Variants in CDC42BPA observed in about 807,000 individuals in gnomAD.
CDC42BPA encodes CDC42 binding protein kinase alpha, also known as serine/threonine-protein kinase MRCK alpha.
In CDC42BPA, 80 loss-of-function variants were observed where a neutral mutation model predicts 223.5. That is an observed-to-expected ratio of 0.36 (90% confidence interval 0.30 to 0.43). CDC42BPA has a LOEUF of 0.43. Ranked by LOEUF, CDC42BPA falls within the 20% of genes least tolerant of loss-of-function variation. The probability of loss-of-function intolerance (pLI) is 1.00; values close to 1 mark genes in which losing one functional copy is unlikely to be tolerated. For synonymous variants in CDC42BPA, 694 were observed against 718.6 expected, an observed-to-expected ratio of 0.97 and a Z score of 0.55; for missense variants, 1,743 against 2,099.9, an observed-to-expected ratio of 0.83 and a Z score of 3.32.
At chr1:227,199,831 C>A (rs891744437) in intron 3 of CDC42BPA, among the ~76,000 whole-genome samples, 179 bp from the exon 4 acceptor site, 1 of 151,964 alleles carries the variant, frequency 6.6e-6, no homozygotes, top group Non-Finnish European at 1.5e-5. Context: ...TGGAATAGTA[C>A]CTTTTAAAAA....
At chr1:227,159,215 G>A (rs1464014870) in intron 6 of CDC42BPA, among the ~76,000 whole-genome samples, 2 of 152,212 alleles carry the variant, frequency 1.3e-5, no homozygotes, top group African/African-American at 2.4e-5. Flanking sequence ...GGCCGGGCAC[G>A]GTGGCTCACG....
intron 10 of CDC42BPA, among the ~76,000 whole-genome samples, chr1:227,132,911 G>A (rs1657527689): frequency 6.6e-6 from 1 of 151,338 alleles, no homozygotes; most frequent in African/African-American, 2.4e-5. Flanking sequence ...CCCCGACTGA[G>A]AGGTGAGGAG....
Position 226,992,765 on chromosome 1 carries a change from T to C in CDC42BPA, c.*1503A>G, listed in dbSNP as rs941530900. 1 of 152,258 alleles carries C rather than the reference T, an allele frequency of 6.6e-6. No individual in the cohort carries two copies. 9.4% of individuals were successfully genotyped at this position (152,258 alleles called of 1,614,324 possible). ...TTATTTTTATCTCTTTCTCTACTCA[T>C]GTGCTTAACTGGTGAAATGATTCTG... On this transcript the variant is annotated 3_prime_UTR_variant, in exon 37 of 37. Transcript: ENST00000366766.
intron 12 of CDC42BPA, among the ~76,000 whole-genome samples, chr1:227,118,928 G>C (rs565799020): frequency 9.9e-5 from 15 of 152,166 alleles, no homozygotes; most frequent in Admixed American, 7.2e-4. Flanking sequence ...TTCTTTAATA[G>C]CGTTCTCTTT....
At chr1:227,088,084 T>C (rs1018804528) in intron 16 of CDC42BPA, among the ~76,000 whole-genome samples, 1 of 152,210 alleles carries the variant, frequency 6.6e-6, no homozygotes, top group African/African-American at 2.4e-5. Context: ...AAGTTAATCT[T>C]TGCATTATTA....
chr1:227,099,178 T>C (rs1265640430), intron 15 of CDC42BPA, among the ~76,000 whole-genome samples: 3 of 152,080 alleles, frequency 2.0e-5, no homozygotes, highest in Non-Finnish European at 4.4e-5. Context: ...TAAATGACTG[T>C]GTTACTGGTT....
intron 1 of CDC42BPA, among the ~76,000 whole-genome samples, chr1:227,262,929 C>A (rs1453216962): frequency 2.6e-5 from 4 of 152,114 alleles, no homozygotes; most frequent in Admixed American, 2.6e-4. Flanking sequence ...AGATTTTTAA[C>A]AATTTTTATG....
At chr1:227,118,281 C>T (rs1310384085) in intron 12 of CDC42BPA, among the ~76,000 whole-genome samples, 1 of 152,016 alleles carries the variant, frequency 6.6e-6, no homozygotes, top group African/African-American at 2.4e-5. Flanking sequence ...ATACAAATGG[C>T]CAATAGGTAT....
chr1:227,112,420 C>A lies in CDC42BPA; in HGVS notation c.1893G>T (p.Leu631=). ...CAGCTAGAGCTTCTGTATGAACTTC[C>A]AGCTTTAAAACAGAATGAAAAATGC... ...LRRTERAKKE[L]EVHTEALAAE... The change falls in exon 14 of 37, where the codon CTG becomes CTT. Residue 631 remains leucine, a splice_region_variant and synonymous_variant. Transcript: ENST00000366766. 1 of 1,587,524 alleles carries A rather than the reference C, an allele frequency of 6.3e-7. No homozygotes were observed. The highest frequency in any genetic ancestry group is 8.6e-7 in the Non-Finnish European group (1 of 1,166,164).
At chr1:227,234,673 G>C (rs1678660208) in intron 2 of CDC42BPA, 1 of 152,196 alleles carries the variant, frequency 6.6e-6, no homozygotes, top group African/African-American at 2.4e-5. Context: ...TCCACCACGT[G>C]AGCACCATTT....
chr1:227,272,153 G>A (rs965970715), intron 1 of CDC42BPA, among the ~76,000 whole-genome samples: 1 of 152,002 alleles, frequency 6.6e-6, no homozygotes, highest in Non-Finnish European at 1.5e-5. Flanking sequence ...TAATTTTAAG[G>A]TCACCTATAA....
At chr1:227,212,907 C>A (rs1354481617) in intron 3 of CDC42BPA, among the ~76,000 whole-genome samples, 1 of 152,074 alleles carries the variant, frequency 6.6e-6, no homozygotes, top group African/African-American at 2.4e-5. Flanking sequence ...CATAAGCCCC[C>A]CATTACAAGG....
At chr1:227,088,656 T>A (rs1055049113) in intron 16 of CDC42BPA, among the ~76,000 whole-genome samples, 7 of 152,210 alleles carry the variant, frequency 4.6e-5, no homozygotes, top group Admixed American at 2.6e-4. Flanking sequence ...CTCACTGGCA[T>A]AAATGGCTGA....
chr1:227,301,369 T>C (rs1444908734), intron 1 of CDC42BPA, among the ~76,000 whole-genome samples: 2 of 152,032 alleles, frequency 1.3e-5, no homozygotes, highest in East Asian at 1.9e-4. Flanking sequence ...GACATTTTTT[T>C]TTTTTTTTTG....
At chr1:227,095,034 C>T (rs1403889161) in intron 15 of CDC42BPA, among the ~76,000 whole-genome samples, 2 of 152,192 alleles carry the variant, frequency 1.3e-5, no homozygotes. Context: ...CAGAAAATGC[C>T]AGAATGGAAC....
chr1:227,017,902 G>A (rs1172224748), intron 32 of CDC42BPA, among the ~76,000 whole-genome samples: 1 of 151,806 alleles, frequency 6.6e-6, no homozygotes, highest in Non-Finnish European at 1.5e-5. Context: ...AGAAGGAGGA[G>A]GTGAGAAGAA....
chr1:227,112,577 A>G (rs1403024527), intron 13 of CDC42BPA, 94 bp downstream of exon 13: 10 of 1,057,734 alleles, frequency 9.5e-6, no homozygotes, highest in Non-Finnish European at 1.0e-5. Flanking sequence ...ATAACTTTAG[A>G]AATATTTTAA....
intron 11 of CDC42BPA, among the ~76,000 whole-genome samples, chr1:227,123,119 A>G (rs1688955210): frequency 6.6e-6 from 1 of 152,220 alleles, no homozygotes; most frequent in Non-Finnish European, 1.5e-5. Context: ...CCCGGCTAAC[A>G]TGGTGAAACC....
At chr1:227,277,092 AAAAG>A (rs1473091757) in intron 1 of CDC42BPA, among the ~76,000 whole-genome samples, 2 of 151,328 alleles carry the variant, frequency 1.3e-5, no homozygotes, top group East Asian at 3.9e-4. Context: ...AAAAAAAAAA[AAAAG>A]AAAAAGAAAA....
Sources: gnomAD v4.1 joint callset for allele counts (sites outside exome capture counted in the v4.1 genomes callset) on GRCh38, gnomAD v4.1.1 for gene constraint, MANE v1.5 for transcripts, NCBI Gene and HGNC (gene_info 2026-07-23, HGNC 2026-07-21) for gene names.